OSBPL2: variants seen among roughly 807,000 people sequenced by gnomAD.
OSBPL2 encodes oxysterol binding protein like 2.
OSBPL2 carries 18 observed loss-of-function variants against 58.4 expected under a neutral mutation model. The observed-to-expected ratio is 0.31, with a 90% CI of 0.21 to 0.46. OSBPL2 has a LOEUF of 0.46. Ranked by LOEUF, OSBPL2 falls within the 20% of genes least tolerant of loss-of-function variation. OSBPL2 has a pLI of 1.00. For missense variants in OSBPL2, 461 were observed against 616.5 expected, an observed-to-expected ratio of 0.75 and a Z score of 2.67; for synonymous variants, 221 against 234.1, an observed-to-expected ratio of 0.94 and a Z score of 0.51.
At chr20:62,251,473 A>G (rs1443253522) in intron 1 of OSBPL2, among the ~76,000 whole-genome samples, 2 of 149,370 alleles carry the variant, frequency 1.3e-5, no homozygotes, top group Non-Finnish European at 3.0e-5. Flanking sequence ...CAGTAGTGCA[A>G]TCTCGGCTCA....
At chr20:62,241,569 G>C (rs6143001) in intron 1 of OSBPL2, among the ~76,000 whole-genome samples, 1 of 152,266 alleles carries the variant, frequency 6.6e-6, no homozygotes, top group South Asian at 2.1e-4. Context: ...TGCAGGCACA[G>C]CTGGCGCCGT....
rs758733530 is a variant in OSBPL2 at position 62,293,820 on chromosome 20, C to A, written c.1376C>A (p.Thr459Asn). ...CCAGGCAATAACCCCTACACTGGGA[C>A]CCCCGACTGGTTGTATGCAGGGGAT... ...FYPGNNPYTG[T>N]PDWLYAGDYF... Residue 459 changes from threonine to asparagine, a missense_variant, in exon 14 of 14, where the codon ACC (threonine) becomes AAC (asparagine). Physicochemically the swap from Thr to Asn is moderately conservative, Grantham distance 65. Transcript: ENST00000313733. The A allele has an allele frequency of 3.7e-6, 6 of 1,614,006 alleles. No individual in the cohort carries two copies. The East Asian group carries it at 1.1e-4, about 30-fold the overall frequency.
Position 62,242,853 on chromosome 20 carries a change from C to A in OSBPL2, c.-129+4256C>A, listed in dbSNP as rs141639334. On this transcript the variant is annotated intron_variant, in intron 1 of 13. Coordinates refer to ENST00000313733, the MANE Select transcript of OSBPL2 (RefSeq NM_144498.4). ...CTGTTGTGGGCTCATACGGGGAGTTCTTGGAGGAGCACCAGGCAGGGAGGA... is the reference window on the plus strand; with the variant it reads ...CTGTTGTGGGCTCATACGGGGAGTTATTGGAGGAGCACCAGGCAGGGAGGA... 1.6e-3 allele frequency among the ~76,000 whole-genome samples: 237 copies of A among 152,260 alleles called. 1 individual carries two copies. Among genetic ancestry groups the A allele is most frequent in the African/African-American group, 5.3e-3 (222 of 41,556 alleles).
At chr20:62,260,214 T>C in intron 3 of OSBPL2, 89 bp downstream of exon 3, 1 of 1,322,530 alleles carries the variant, frequency 7.6e-7, no homozygotes, top group Non-Finnish European at 1.1e-6. Context: ...CTCACGAGCA[T>C]TGAGCTGGAG....
chr20:62,282,784 G>A (rs1044181394), intron 9 of OSBPL2, among the ~76,000 whole-genome samples: 4 of 152,188 alleles, frequency 2.6e-5, no homozygotes, highest in East Asian at 1.9e-4. Context: ...CCAAGATCAC[G>A]CCAATGCGCT....
chr20:62,252,823 C>T (rs543052509), intron 1 of OSBPL2, among the ~76,000 whole-genome samples: 51 of 152,320 alleles, frequency 3.3e-4, no homozygotes, highest in African/African-American at 1.2e-3. Context: ...TCACATGGCG[C>T]GAGGAGGAGT....
chr20:62,283,407 T>C (rs1035356709), intron 9 of OSBPL2, among the ~76,000 whole-genome samples: 2 of 152,046 alleles, frequency 1.3e-5, no homozygotes, highest in East Asian at 3.9e-4. Context: ...GTGGTCACGG[T>C]TGACTCTTCC....
chr20:62,241,027 G>A (rs1400725898), intron 1 of OSBPL2, among the ~76,000 whole-genome samples: 2 of 152,248 alleles, frequency 1.3e-5, no homozygotes, highest in East Asian at 1.9e-4. Flanking sequence ...TTTCTTCCAC[G>A]CCTCGAGTGC....
chr20:62,285,815 G>C lies in OSBPL2; in HGVS notation c.997-768G>C, dbSNP rs1388984755. Reference sequence around the variant, plus strand: ...ACTGACTTCCTTCATCTCCACGAAGGGAAACGCCTGGCCACTGACTTCCTT... The same window carrying C: ...ACTGACTTCCTTCATCTCCACGAAGCGAAACGCCTGGCCACTGACTTCCTT... On this transcript the variant is annotated intron_variant, in intron 10 of 13. Transcript: ENST00000313733. The C allele has an allele frequency of 6.5e-5, 10 of 152,854 alleles. No individual in the cohort carries two copies. The East Asian group carries it at 7.7e-4, about 12-fold the overall frequency. 9.5% of individuals were successfully genotyped at this position (152,854 alleles called of 1,614,324 possible).
intron 6 of OSBPL2, among the ~76,000 whole-genome samples, chr20:62,276,662 G>A (rs979654517): frequency 6.6e-6 from 1 of 152,188 alleles, no homozygotes; most frequent in Non-Finnish European, 1.5e-5. Context: ...GTGACAGCAG[G>A]GTCCAGCAGG....
Position 62,256,241 on chromosome 20 carries a change from A to G in OSBPL2, c.37+20A>G. The G allele has an allele frequency of 6.2e-7, 1 of 1,611,890 alleles. No homozygotes were observed. The highest frequency in any genetic ancestry group is 8.5e-7 in the Non-Finnish European group (1 of 1,178,228). On this transcript the variant is annotated intron_variant, in intron 2 of 13. Coordinates refer to ENST00000313733, the MANE Select transcript of OSBPL2 (RefSeq NM_144498.4). ...TCACAGGTGAGTCAAAAGAGAACCA[A>G]CTGGGGACGTACTGGAAGGGTGAAC...
rs117571405 is a variant in OSBPL2 at position 62,295,890 on chromosome 20, G to A, written c.*2003G>A. ...TTACTGGTTAAGATAATTTGCCCAC[G>A]GGTTTGTTTCCAAGTCCTCTTCTAG... On this transcript the variant is annotated 3_prime_UTR_variant, in exon 14 of 14. Coordinates refer to ENST00000313733, the MANE Select transcript of OSBPL2 (RefSeq NM_144498.4). The surrounding 1 kb of genome is among the most constrained non-coding windows in gnomAD (Gnocchi z 4.8). 7.2e-5 allele frequency: 11 copies of A among 152,284 alleles called. No homozygotes were observed. In the East Asian group the frequency reaches 2.1e-3, roughly 29 times the overall value. The allele number at this position is 152,284 out of a possible 1,614,324, so 9.4% of individuals were successfully genotyped here.
At chr20:62,238,796 C>G (rs1452655815) in intron 1 of OSBPL2, among the ~76,000 whole-genome samples, 199 bp downstream of exon 1, 1 of 151,676 alleles carries the variant, frequency 6.6e-6, no homozygotes, top group Non-Finnish European at 1.5e-5. Context: ...TAGGCCGCAG[C>G]CTGGCGCCCC....
At chr20:62,279,075 G>C (rs1337926060) in intron 6 of OSBPL2, 82 bp from the exon 7 acceptor site, 1 of 1,219,264 alleles carries the variant, frequency 8.2e-7, no homozygotes, top group East Asian at 2.4e-5. Context: ...CGTCCTGTGA[G>C]GGGCTCCACA....
chr20:62,261,556 T>C (rs1387268879), intron 3 of OSBPL2, among the ~76,000 whole-genome samples: 1 of 152,124 alleles, frequency 6.6e-6, no homozygotes, highest in Admixed American at 6.5e-5. Context: ...TTGTTCGTTC[T>C]CTCACCCTAC....
At position 62,269,858 on chromosome 20, in the gene OSBPL2, C is replaced by T. The variant is rs900365975; in HGVS notation, c.259-2267C>T. Among the ~76,000 whole-genome samples the T allele has an allele frequency of 9.2e-5, 14 of 152,212 alleles. No individual in the cohort carries two copies. Among genetic ancestry groups the T allele is most frequent in the African/African-American group, 3.1e-4 (13 of 41,460 alleles). On this transcript the variant is annotated intron_variant, in intron 4 of 13. Transcript: ENST00000313733. This position sits in a 1 kb window ranked among gnomAD's most constrained non-coding sequence, Gnocchi z 4.2. ...TGCAGTCTTGGCCACACCCATGTGC[C>T]GGGGCTGCCTCAGTTGGAATCCAGT...
In OSBPL2 at chr20:62,295,740, G is replaced by GT. The variant is rs1459910877; in HGVS notation, c.*1855dup. The GT allele has an allele frequency of 6.6e-6, 1 of 151,930 alleles. No individual in the cohort carries two copies. The highest frequency in any genetic ancestry group is 2.4e-5 in the African/African-American group (1 of 41,448). 9.4% of individuals were successfully genotyped at this position (151,930 alleles called of 1,614,324 possible). A position where few individuals can be genotyped will look rare whatever the true frequency, so the allele number is the denominator to read the frequency against. ...GGGTCATCTGCTTTTCCAGACTGTG[G>GT]TTGTGAACCGGCTCCTTCTCCAAGA... On this transcript the variant is annotated 3_prime_UTR_variant, in exon 14 of 14. Transcript: ENST00000313733. The surrounding 1 kb of genome is among the most constrained non-coding windows in gnomAD (Gnocchi z 4.8).
chr20:62,276,464 A>G (rs961691317), intron 6 of OSBPL2, among the ~76,000 whole-genome samples: 6 of 152,170 alleles, frequency 3.9e-5, no homozygotes, highest in Admixed American at 2.0e-4. Flanking sequence ...TTCAAATTCT[A>G]ATCTGTTCCT....
intron 4 of OSBPL2, among the ~76,000 whole-genome samples, chr20:62,271,066 T>G (rs565364173): frequency 2.0e-4 from 31 of 152,110 alleles, no homozygotes; most frequent in African/African-American, 7.5e-4. Flanking sequence ...TCCTTGTCCC[T>G]CTCCCTCTGC....
Sources: allele counts gnomAD v4.1 joint callset (sites outside exome capture counted in the v4.1 genomes callset), GRCh38; gene constraint gnomAD v4.1.1; non-coding constraint Gnocchi (gnomAD v3.1); transcripts MANE v1.5; gene names NCBI Gene and HGNC (gene_info 2026-07-23, HGNC 2026-07-21).